Variants in ZNF804B observed in about 807,000 individuals in gnomAD.
The protein encoded by ZNF804B is zinc finger protein 804B.
A neutral mutation model predicts 101.4 loss-of-function variants in ZNF804B; 80 were observed. The observed-to-expected ratio is 0.79, with a 90% CI of 0.66 to 0.95. The LOEUF is 0.95. ZNF804B is among the 40% of genes least tolerant of loss of function. The pLI is 0.00. For missense variants in ZNF804B, 1,673 were observed against 1,561.9 expected, an observed-to-expected ratio of 1.07 and a Z score of -1.20; for synonymous variants, 622 against 558.8, an observed-to-expected ratio of 1.11 and a Z score of -1.59.
chr7:89,247,095 T>C (rs1248606679), intron 2 of ZNF804B, among the ~76,000 whole-genome samples: 2 of 152,176 alleles, frequency 1.3e-5, no homozygotes, highest in Non-Finnish European at 2.9e-5. Context: ...GCTTCCCTCC[T>C]ACCTGTGCAG....
chr7:89,049,734 A>C (rs1273426205), intron 1 of ZNF804B, among the ~76,000 whole-genome samples: 1 of 152,138 alleles, frequency 6.6e-6, no homozygotes, highest in Non-Finnish European at 1.5e-5. Flanking sequence ...CAGTCTGGCC[A>C]GGCATGGTGG....
At chr7:89,106,821 C>G (rs1018920) in intron 1 of ZNF804B, among the ~76,000 whole-genome samples, 120,352 of 152,012 alleles carry the variant, frequency 0.79, 47,876 homozygotes, top group African/African-American at 0.86. Context: ...ACTGGAGTGG[C>G]AGAACAGAGA....
intron 1 of ZNF804B, among the ~76,000 whole-genome samples, chr7:89,026,198 C>A (rs906369333): frequency 2.0e-5 from 3 of 152,030 alleles, no homozygotes; most frequent in Non-Finnish European, 4.4e-5. Context: ...ATGAATATAA[C>A]AAAATTGGCA....
At chr7:88,828,802 C>A (rs1453787123) in intron 1 of ZNF804B, among the ~76,000 whole-genome samples, 1 of 152,104 alleles carries the variant, frequency 6.6e-6, no homozygotes, top group South Asian at 2.1e-4. Context: ...ACCAGAAGAG[C>A]TCTCTGTGTT....
chr7:89,333,627 C>T lies in ZNF804B; in HGVS notation c.645C>T (p.His215=). The stretch of plus-strand genomic sequence containing the variant: ...CTTCAGATCTCAGCAATGCAAATCA[C>T]AGAACAGGAGTATCATTTACTTTTT... The part of the protein sequence containing the change: ...QTSSDLSNAN[H]RTGVSFTFSK... Residue 215 remains histidine, a synonymous_variant, in exon 4 of 4, where the codon CAC becomes CAT. Transcript: ENST00000333190. 1 of 1,613,596 alleles carries T rather than the reference C, an allele frequency of 6.2e-7. No individual in the cohort carries two copies. Among genetic ancestry groups the T allele is most frequent in the Non-Finnish European group, 8.5e-7 (1 of 1,179,722 alleles).
chr7:89,186,708 G>C (rs986054590), intron 1 of ZNF804B, among the ~76,000 whole-genome samples: 1 of 151,900 alleles, frequency 6.6e-6, no homozygotes, highest in Non-Finnish European at 1.5e-5. Flanking sequence ...CAGCCACCTG[G>C]TTTTGAAATA....
At chr7:89,162,596 C>CT (rs11378821) in intron 1 of ZNF804B, among the ~76,000 whole-genome samples, 75,386 of 146,840 alleles carry the variant, frequency 0.51, 21,034 homozygotes, top group African/African-American at 0.77. Flanking sequence ...TTGGGTTGAA[C>CT]TTTTTTTTTT....
rs1790390214 is a variant in ZNF804B at position 88,792,058 on chromosome 7, C to T, written c.108+31974C>T. Among the ~76,000 whole-genome samples, 3 of 152,198 alleles carry T rather than the reference C, an allele frequency of 2.0e-5. No individual in the cohort carries two copies. In the South Asian group the frequency reaches 6.2e-4, roughly 32 times the overall value. On this transcript the variant is annotated intron_variant, in intron 1 of 3. Coordinates refer to ENST00000333190, the MANE Select transcript of ZNF804B (RefSeq NM_181646.5). ...GATGTTGTCTGAAATTGCTGGATTG[C>T]TCACAGCATAGTGTTTGAATTCCAG...
intron 1 of ZNF804B, among the ~76,000 whole-genome samples, chr7:89,051,552 A>G (rs1220520068): frequency 6.6e-6 from 1 of 152,142 alleles, no homozygotes; most frequent in Non-Finnish European, 1.5e-5. Flanking sequence ...ACCAATTTTA[A>G]TATATGCCAA....
intron 1 of ZNF804B, among the ~76,000 whole-genome samples, chr7:89,160,263 C>G (rs1260373413): frequency 6.6e-6 from 1 of 152,082 alleles, no homozygotes; most frequent in African/African-American, 2.4e-5. Context: ...TGCCTGTGTG[C>G]AATAAATCAG....
chr7:89,253,317 A>T (rs1006735319), intron 2 of ZNF804B, among the ~76,000 whole-genome samples: 5 of 152,188 alleles, frequency 3.3e-5, no homozygotes, highest in African/African-American at 1.2e-4. Context: ...AGTCAAAAGA[A>T]GGCAATTTTT....
At chr7:89,086,817 A>G (rs1371460445) in intron 1 of ZNF804B, among the ~76,000 whole-genome samples, 1 of 151,952 alleles carries the variant, frequency 6.6e-6, no homozygotes, top group Non-Finnish European at 1.5e-5. Flanking sequence ...GTGTGTAAGT[A>G]ATTTGACAAA....
At chr7:89,171,565 G>C (rs148787672) in intron 1 of ZNF804B, among the ~76,000 whole-genome samples, 10 of 152,038 alleles carry the variant, frequency 6.6e-5, no homozygotes, top group African/African-American at 2.4e-4. Flanking sequence ...CTCCGGAGTA[G>C]CTGGGACTAC....
At chr7:89,185,781 A>C (rs375439476) in intron 1 of ZNF804B, among the ~76,000 whole-genome samples, 1 of 152,122 alleles carries the variant, frequency 6.6e-6, no homozygotes, top group South Asian at 2.1e-4. Flanking sequence ...AATCGCGTGA[A>C]TCCTGGAGAC....
intron 1 of ZNF804B, among the ~76,000 whole-genome samples, chr7:89,016,573 G>A (rs375022335): frequency 0.073 from 9,657 of 132,968 alleles, 584 homozygotes; most frequent in East Asian, 0.18. Context: ...CAGTTTTGCC[G>A]GCACCATTTA....
At chr7:88,788,968 T>A (rs1026220595) in intron 1 of ZNF804B, among the ~76,000 whole-genome samples, 3 of 152,206 alleles carry the variant, frequency 2.0e-5, no homozygotes, top group Non-Finnish European at 2.9e-5. Flanking sequence ...TTGAAATTTA[T>A]ATCTACTTAT....
chr7:89,030,593 G>A (rs983220441), intron 1 of ZNF804B, among the ~76,000 whole-genome samples: 1 of 152,098 alleles, frequency 6.6e-6, no homozygotes, highest in Non-Finnish European at 1.5e-5. Context: ...ATTCTAATCT[G>A]TCAAATATCT....
intron 2 of ZNF804B, among the ~76,000 whole-genome samples, chr7:89,244,386 C>A (rs571545630): frequency 6.6e-6 from 1 of 152,020 alleles, no homozygotes; most frequent in African/African-American, 2.4e-5. Flanking sequence ...TTTAATATTA[C>A]GAGTTTTAAA....
intron 1 of ZNF804B, chr7:88,795,842 A>G (rs1478947842): frequency 6.6e-6 from 1 of 152,082 alleles, no homozygotes; most frequent in Non-Finnish European, 1.5e-5. Context: ...CTCGACAAAC[A>G]CTTCAAAGTC....
Sources: allele counts gnomAD v4.1 joint callset (sites outside exome capture counted in the v4.1 genomes callset), GRCh38; gene constraint gnomAD v4.1.1; transcripts MANE v1.5; gene names NCBI Gene and HGNC (gene_info 2026-07-23, HGNC 2026-07-21).